Variants in HPSE2 observed in about 807,000 individuals in gnomAD.
The protein encoded by HPSE2 is inactive heparanase-2.
Under a neutral mutation model 60.5 loss-of-function variants are expected in HPSE2, and 38 were observed. The ratio of observed to expected loss-of-function variants is 0.63; its 90% CI spans 0.48 to 0.82. The LOEUF (loss-of-function observed/expected upper bound fraction) is 0.82. HPSE2 is among the 40% of genes least tolerant of loss of function. HPSE2 has a pLI of 0.00. For missense variants in HPSE2, 713 were observed against 740.4 expected, an observed-to-expected ratio of 0.96 and a Z score of 0.43; for synonymous variants, 295 against 293.2, an observed-to-expected ratio of 1.01 and a Z score of -0.06.
At chr10:99,306,899 G>A in the HPSE2 span, among the ~76,000 whole-genome samples, 15 of 151,926 alleles carry the variant, frequency 9.9e-5, no homozygotes, top group East Asian at 1.9e-4. Context: ...TAGTAGAGAC[G>A]GGGTTTCTCC....
intron 11 of HPSE2, among the ~76,000 whole-genome samples, 171 bp downstream of exon 11, chr10:98,482,465 T>C (rs1219032092): frequency 1.3e-5 from 2 of 152,220 alleles, no homozygotes; most frequent in Non-Finnish European, 2.9e-5. Context: ...GGGAGGGGCT[T>C]GAACATGTTC....
intron 4 of HPSE2, among the ~76,000 whole-genome samples, chr10:98,743,662 G>A (rs973380165): frequency 4.6e-5 from 7 of 150,904 alleles, no homozygotes; most frequent in Non-Finnish European, 8.9e-5. Context: ...TTGGAATGAG[G>A]TAACTAGAGA....
At chr10:99,086,912 T>G (rs926265830) in intron 3 of HPSE2, among the ~76,000 whole-genome samples, 3 of 152,202 alleles carry the variant, frequency 2.0e-5, no homozygotes, top group Non-Finnish European at 4.4e-5. Flanking sequence ...TCCTATTTGT[T>G]CAGTCCAAAA....
intron 3 of HPSE2, among the ~76,000 whole-genome samples, chr10:98,883,281 C>CA (rs1953076583): frequency 6.6e-6 from 1 of 152,018 alleles, no homozygotes. Context: ...TAGGTGACCA[C>CA]AAGGCATGGG....
At chr10:98,651,773 C>CTT (rs35835305) in intron 6 of HPSE2, among the ~76,000 whole-genome samples, 49 of 142,682 alleles carry the variant, frequency 3.4e-4, no homozygotes, top group East Asian at 8.1e-4. Context: ...GAACTAGTTC[C>CTT]TTTTTTTTTT....
intron 9 of HPSE2, among the ~76,000 whole-genome samples, chr10:98,495,720 TTG>T (rs1941813679): frequency 6.6e-6 from 1 of 152,100 alleles, no homozygotes; most frequent in South Asian, 2.1e-4. Flanking sequence ...ATTTTTTTTT[TTG>T]TTTCTTTACA....
At position 99,184,833 on chromosome 10, in the gene HPSE2, G is replaced by C. The variant is rs377487315; in HGVS notation, c.449-40434C>G. ...ATATATATATATAGAGAGAGAGAGAGAGAGAGAGAGAGAGAGAGAGAGAGA... is the reference window on the plus strand; with the variant it reads ...ATATATATATATAGAGAGAGAGAGACAGAGAGAGAGAGAGAGAGAGAGAGA... On this transcript the variant is annotated intron_variant, in intron 2 of 11. Transcript: ENST00000370552. Among the ~76,000 whole-genome samples, 128 of 52,574 alleles carry C rather than the reference G, an allele frequency of 2.4e-3. 4 individuals are homozygous for C. The highest frequency in any genetic ancestry group is 4.8e-3 in the Non-Finnish European group (96 of 20,008). The allele number at this position is 52,574 out of a possible 152,430, so 34.5% of individuals were successfully genotyped here.
intron 3 of HPSE2, among the ~76,000 whole-genome samples, chr10:99,043,365 T>C (rs1957785677): frequency 6.6e-6 from 1 of 152,106 alleles, no homozygotes. Context: ...GCACCTGTAG[T>C]TCCAGCTACT....
intron 2 of HPSE2, among the ~76,000 whole-genome samples, chr10:99,205,983 C>T (rs1848732365): frequency 1.3e-5 from 2 of 152,258 alleles, no homozygotes; most frequent in South Asian, 2.1e-4. Flanking sequence ...CATCATGGGA[C>T]TCATATGAAG....
chr10:98,960,730 T>A (rs55748200), intron 3 of HPSE2, among the ~76,000 whole-genome samples: 62 of 24,712 alleles, frequency 2.5e-3, no homozygotes, highest in Non-Finnish European at 4.7e-3. Flanking sequence ...TGTTTTATTT[T>A]TTTTATTTTA....
intron 3 of HPSE2, among the ~76,000 whole-genome samples, chr10:98,774,295 A>T (rs1950297716): frequency 6.6e-6 from 1 of 152,104 alleles, no homozygotes; most frequent in Non-Finnish European, 1.5e-5. Flanking sequence ...TAATATATTC[A>T]AGAGAAAAAT....
In HPSE2 at chr10:98,738,439, C is replaced by G. The variant is rs181675746; in HGVS notation, c.784+5444G>C. Among the ~76,000 whole-genome samples the G allele has an allele frequency of 1.4e-3, 209 of 152,272 alleles. 2 individuals carry two copies. The highest frequency in any genetic ancestry group is 4.8e-3 in the African/African-American group (199 of 41,556). ...GGGCAAAGACTTCATGTCTAAAACA[C>G]CAAAATCAATTGCAACAAAAGCCAA... On this transcript the variant is annotated intron_variant, in intron 4 of 11. Coordinates refer to ENST00000370552, the MANE Select transcript of HPSE2 (RefSeq NM_021828.5).
rs12260919 is a variant in HPSE2 at position 99,121,345 on chromosome 10, A to G, written c.610+22893T>C. Among the ~76,000 whole-genome samples, 270 of 152,288 alleles carry G rather than the reference A, an allele frequency of 1.8e-3. 1 individual carries two copies. Among genetic ancestry groups the G allele is most frequent in the African/African-American group, 6.1e-3 (252 of 41,572 alleles). On this transcript the variant is annotated intron_variant, in intron 3 of 11. Coordinates refer to ENST00000370552, the MANE Select transcript of HPSE2 (RefSeq NM_021828.5). ...TCAGGAAAAATAACTAATGGGTACT[A>G]GGTTTAATACCTCGGTGATCAAATA... is the stretch of plus-strand genomic sequence containing the variant.
chr10:98,571,260 T>C (rs1481399452), intron 9 of HPSE2, among the ~76,000 whole-genome samples: 1 of 152,092 alleles, frequency 6.6e-6, no homozygotes, highest in African/African-American at 2.4e-5. Flanking sequence ...TCTCAGCACT[T>C]TGGGAGGCCA....
chr10:98,912,884 G>C (rs1444508955), intron 3 of HPSE2, among the ~76,000 whole-genome samples: 1 of 152,072 alleles, frequency 6.6e-6, no homozygotes, highest in African/African-American at 2.4e-5. Context: ...TAGCACAACA[G>C]GAGGACTATA....
chr10:98,673,889 G>A (rs1947568786), intron 6 of HPSE2, among the ~76,000 whole-genome samples: 1 of 152,136 alleles, frequency 6.6e-6, no homozygotes, highest in Non-Finnish European at 1.5e-5. Context: ...TTACCCCATG[G>A]AGGAAGATGG....
At chr10:98,742,698 G>A (rs1180687399) in intron 4 of HPSE2, among the ~76,000 whole-genome samples, 2 of 151,384 alleles carry the variant, frequency 1.3e-5, no homozygotes, top group African/African-American at 2.4e-5. Flanking sequence ...AAAATAGCAC[G>A]ATTTAGGAAA....
At chr10:99,184,522 C>CAAAAAAAAAAAAAAAAAAAAA (rs200059066) in intron 2 of HPSE2, among the ~76,000 whole-genome samples, 2 of 60,788 alleles carry the variant, frequency 3.3e-5, no homozygotes, top group Non-Finnish European at 5.2e-5. Context: ...GAGACTGTCT[C>CAAAAAAAAAAAAAAAAAAAAA]AAAAAAAAAA....
chr10:98,741,658 T>C (rs926430016), intron 4 of HPSE2, among the ~76,000 whole-genome samples: 9 of 152,204 alleles, frequency 5.9e-5, no homozygotes, highest in Non-Finnish European at 1.2e-4. Flanking sequence ...TAGGTAAGTT[T>C]TAATTGCTTT....
Sources: allele counts gnomAD v4.1 joint callset (sites outside exome capture counted in the v4.1 genomes callset), GRCh38; gene constraint gnomAD v4.1.1; transcripts MANE v1.5; gene names NCBI Gene and HGNC (gene_info 2026-07-23, HGNC 2026-07-21).